ABRAXAS2: variants seen among roughly 807,000 people sequenced by gnomAD.
The protein encoded by ABRAXAS2 is BRISC complex subunit Abraxas 2.
A neutral mutation model predicts 49.0 loss-of-function variants in ABRAXAS2; 23 were observed. The observed-to-expected ratio is 0.47, with a 90% CI of 0.34 to 0.66. ABRAXAS2 has a LOEUF of 0.66. Ranked by LOEUF, ABRAXAS2 falls within the 30% of genes least tolerant of loss-of-function variation. The pLI is 0.01. For missense variants in ABRAXAS2, 443 were observed against 511.9 expected (o/e 0.87, Z 1.30); for synonymous variants, 168 against 180.2 (o/e 0.93, Z 0.54).
chr10:124,818,453 G>C (rs1404088946), intron 3 of ABRAXAS2, among the ~76,000 whole-genome samples: 2 of 150,770 alleles, frequency 1.3e-5, no homozygotes, highest in African/African-American at 4.9e-5. Context: ...AGAAACCTTA[G>C]ATAACATCTG....
chr10:124,831,748 A>G (rs1332444392), intron 8 of ABRAXAS2, among the ~76,000 whole-genome samples: 1 of 149,792 alleles, frequency 6.7e-6, no homozygotes, highest in African/African-American at 2.5e-5. Flanking sequence ...AGATTTGTGT[A>G]TATATTGACA....
intron 1 of ABRAXAS2, among the ~76,000 whole-genome samples, chr10:124,806,126 C>A (rs1216439864): frequency 1.3e-5 from 2 of 151,766 alleles, no homozygotes; most frequent in African/African-American, 4.8e-5. Context: ...CGGTGAAACC[C>A]CGTCTCTACT....
chr10:124,831,845 T>C lies in ABRAXAS2; in HGVS notation c.778+382T>C, dbSNP rs1354939396. Reference sequence around the variant, plus strand: ...GCAGGTAGGCACTGTGTCCTGTCTTTTTTTTTTTTTTTTTTTTTTTTTTTT... The same window carrying C: ...GCAGGTAGGCACTGTGTCCTGTCTTCTTTTTTTTTTTTTTTTTTTTTTTTT... On this transcript the variant is annotated intron_variant, in intron 8 of 8. Coordinates refer to ENST00000298492, the MANE Select transcript of ABRAXAS2 (RefSeq NM_032182.4). Among the ~76,000 whole-genome samples the C allele has an allele frequency of 1.1e-4, 3 of 27,792 alleles. No individual in the cohort carries two copies. In the Admixed American group the frequency reaches 2.0e-3, roughly 19 times the overall value. The allele number at this position is 27,792 out of a possible 152,430, so 18.2% of individuals were successfully genotyped here.
chr10:124,834,628 C>G lies in ABRAXAS2; in HGVS notation c.905C>G (p.Ser302Trp). The stretch of plus-strand genomic sequence containing the variant: ...AGTACACTTGGAGATGCAGAGGCCT[C>G]GGATCCTCCTCCCCCTTACTCTGAT... ...GRSTLGDAEA[S>W]DPPPPYSDFH... The change falls in exon 9 of 9, where the codon TCG becomes TGG. Residue 302 changes from serine to tryptophan, a missense_variant. This residue lies in a region of ABRAXAS2 where 230 missense variants were observed against 237.0 expected (regional missense o/e 0.97). Coordinates refer to ENST00000298492, the MANE Select transcript of ABRAXAS2 (RefSeq NM_032182.4). 1.2e-6 allele frequency: 2 copies of G among 1,614,086 alleles called. No homozygotes were observed. The highest frequency in any genetic ancestry group is 1.7e-6 in the Non-Finnish European group (2 of 1,180,014).
At chr10:124,817,947 C>T (rs1021361151) in intron 3 of ABRAXAS2, among the ~76,000 whole-genome samples, 2 of 152,206 alleles carry the variant, frequency 1.3e-5, no homozygotes, top group African/African-American at 4.8e-5. Flanking sequence ...TGTTTAGGCT[C>T]TGGTTCACAC....
intron 7 of ABRAXAS2, 130 bp from the exon 8 acceptor site, chr10:124,831,219 C>G: frequency 1.6e-6 from 1 of 639,834 alleles, no homozygotes; most frequent in Non-Finnish European, 2.8e-6. Flanking sequence ...TGATTTTGTT[C>G]TACCTTATGT....
chr10:124,816,056 C>T (rs1458711426), intron 2 of ABRAXAS2, among the ~76,000 whole-genome samples: 1 of 152,040 alleles, frequency 6.6e-6, no homozygotes, highest in East Asian at 1.9e-4. Flanking sequence ...GCGCCCGCCA[C>T]CACGCCCAGC....
intron 1 of ABRAXAS2, among the ~76,000 whole-genome samples, chr10:124,804,469 A>G (rs1266146675): frequency 1.2e-4 from 18 of 152,192 alleles, no homozygotes; most frequent in Non-Finnish European, 1.0e-4. Context: ...TCTTAAGTCT[A>G]AAGTTCTGTG....
intron 3 of ABRAXAS2, among the ~76,000 whole-genome samples, chr10:124,818,745 G>A (rs779987341): frequency 2.0e-5 from 3 of 152,162 alleles, no homozygotes; most frequent in South Asian, 4.1e-4. Flanking sequence ...TGCGCACCAC[G>A]GGATCCTGGT....
chr10:124,820,199 G>C (rs1163453637), intron 4 of ABRAXAS2, among the ~76,000 whole-genome samples: 1 of 152,184 alleles, frequency 6.6e-6, no homozygotes, highest in Non-Finnish European at 1.5e-5. Context: ...AGGAAGAATA[G>C]GAAGTGTGGA....
Position 124,834,627 on chromosome 10 carries a change from T to C in ABRAXAS2, c.904T>C (p.Ser302Pro). The change falls in exon 9 of 9, where the codon TCG (serine) becomes CCG (proline). Residue 302 changes from serine to proline, a missense_variant. By Grantham distance (74) the Ser-to-Pro change is moderately conservative. Transcript: ENST00000298492. ...GRSTLGDAEA[S>P]DPPPPYSDFH... is the part of the protein sequence containing the mutation. ...AAGTACACTTGGAGATGCAGAGGCC[T>C]CGGATCCTCCTCCCCCTTACTCTGA... is the stretch of plus-strand genomic sequence containing the variant. 1 of 1,614,156 alleles carries C rather than the reference T, an allele frequency of 6.2e-7. No homozygotes were observed. Among genetic ancestry groups the C allele is most frequent in the Admixed American group, 1.7e-5 (1 of 60,020 alleles).
At position 124,828,857 on chromosome 10, in the gene ABRAXAS2, A is replaced by G; in HGVS notation, c.560A>G (p.Lys187Arg). Residue 187 changes from lysine to arginine, a missense_variant, in exon 6 of 9, where the codon AAA becomes AGA. Coordinates refer to ENST00000298492, the MANE Select transcript of ABRAXAS2 (RefSeq NM_032182.4). ...CCAAATACTTCTCAGAGTTATGCCA[A>G]AGTGATTAAAGAACATGGGTAAGTT... ...SVPNTSQSYA[K>R]VIKEHGTDFF... 1 of 1,613,820 alleles carries G rather than the reference A, an allele frequency of 6.2e-7. No individual in the cohort carries two copies. The highest frequency in any genetic ancestry group is 8.5e-7 in the Non-Finnish European group (1 of 1,179,846).
chr10:124,805,525 A>G (rs1441874806), intron 1 of ABRAXAS2, among the ~76,000 whole-genome samples: 1 of 152,182 alleles, frequency 6.6e-6, no homozygotes, highest in African/African-American at 2.4e-5. Context: ...GGCACCTACT[A>G]AGTGTTAGGC....
chr10:124,812,615 C>G (rs1175402911), intron 2 of ABRAXAS2, among the ~76,000 whole-genome samples: 1 of 152,096 alleles, frequency 6.6e-6, no homozygotes, highest in African/African-American at 2.4e-5. Context: ...TGCACTCCAG[C>G]CTGGGTGATA....
intron 3 of ABRAXAS2, among the ~76,000 whole-genome samples, chr10:124,818,792 C>T (rs1037250907): frequency 3.3e-5 from 5 of 152,150 alleles, no homozygotes; most frequent in African/African-American, 4.8e-5. Context: ...GTATTAGGTT[C>T]GAAGCTAGCC....
rs543557134 is a variant in ABRAXAS2 at position 124,832,880 on chromosome 10, G to T, written c.778+1417G>T. Among the ~76,000 whole-genome samples the T allele has an allele frequency of 2.3e-3, 351 of 151,486 alleles. 3 individuals carry two copies. Among genetic ancestry groups the T allele is most frequent in the Middle Eastern group, 6.8e-3 (2 of 292 alleles). ...TAAAATAAAGAGGCCGGGCATGCTG[G>T]CTCACACGTGTAATCCCAGCACTTT... On this transcript the variant is annotated intron_variant, in intron 8 of 8. Coordinates refer to ENST00000298492, the MANE Select transcript of ABRAXAS2 (RefSeq NM_032182.4).
rs1384765264 is a variant in ABRAXAS2 at position 124,835,046 on chromosome 10, TG to T, written c.*81del. On this transcript the variant is annotated 3_prime_UTR_variant, in exon 9 of 9. Transcript: ENST00000298492. ...TGAGAGGGTTTTTGAGAACTTAATC[TG>T]GGGGGAGAACTGCTTTCTCAGATAC... The T allele has an allele frequency of 1.7e-6, 2 of 1,176,718 alleles. No individual in the cohort carries two copies. Among genetic ancestry groups the T allele is most frequent in the South Asian group, 1.6e-5 (1 of 64,490 alleles). The allele number at this position is 1,176,718 out of a possible 1,614,324, so 72.9% of individuals were successfully genotyped here.
chr10:124,810,426 C>T (rs957288113), intron 2 of ABRAXAS2, among the ~76,000 whole-genome samples: 7 of 152,028 alleles, frequency 4.6e-5, no homozygotes, highest in African/African-American at 1.2e-4. Flanking sequence ...ACTCAGAAAG[C>T]GAGGTGGGAG....
chr10:124,835,046 T>TG lies in ABRAXAS2; in HGVS notation c.*81dup, dbSNP rs1384765264. 6 of 1,176,604 alleles carry TG rather than the reference T, an allele frequency of 5.1e-6. No individual in the cohort carries two copies. The highest frequency in any genetic ancestry group is 4.7e-5 in the African/African-American group (3 of 64,484). The allele number at this position is 1,176,604 out of a possible 1,614,324, so 72.9% of individuals were successfully genotyped here. A position where few individuals can be genotyped will look rare whatever the true frequency, so the allele number is the denominator to read the frequency against. The stretch of plus-strand genomic sequence containing the variant: ...TGAGAGGGTTTTTGAGAACTTAATC[T>TG]GGGGGGAGAACTGCTTTCTCAGATA... On this transcript the variant is annotated 3_prime_UTR_variant, in exon 9 of 9. Transcript: ENST00000298492.
Sources: gnomAD v4.1 joint callset for allele counts (sites outside exome capture counted in the v4.1 genomes callset) on GRCh38, gnomAD v4.1.1 for gene constraint, gnomAD v4.1.1 regional missense constraint, MANE v1.5 for transcripts, NCBI Gene and HGNC (gene_info 2026-07-23, HGNC 2026-07-21) for gene names.